The following DENND5B variants were observed in gnomAD, a reference collection of about 807,000 sequenced individuals.
The protein encoded by DENND5B is DENN domain containing 5B.
Under a neutral mutation model 140.6 loss-of-function variants are expected in DENND5B, and 34 were observed. The ratio of observed to expected loss-of-function variants is 0.24; its 90% CI spans 0.18 to 0.32. DENND5B has a LOEUF of 0.32. Among genes scored for constraint, DENND5B ranks in the 10% least tolerant of loss-of-function variants. The probability of loss-of-function intolerance (pLI) is 1.00; values close to 1 mark genes in which losing one functional copy is unlikely to be tolerated. For synonymous variants in DENND5B, 551 were observed against 562.1 expected, an observed-to-expected ratio of 0.98 and a Z score of 0.28; for missense variants, 1,142 against 1,560.2, an observed-to-expected ratio of 0.73 and a Z score of 4.52.
At chr12:31,473,226 T>C (rs528734983) in intron 3 of DENND5B, among the ~76,000 whole-genome samples, 14 of 152,314 alleles carry the variant, frequency 9.2e-5, no homozygotes, top group East Asian at 1.9e-4. Context: ...GCAGGAGCCA[T>C]TGCCTCAACA....
intron 1 of DENND5B, among the ~76,000 whole-genome samples, chr12:31,527,930 AT>A (rs1271987531): frequency 2.8e-5 from 4 of 145,336 alleles, no homozygotes. Context: ...GCAAGACAAT[AT>A]GCCTAGACTC....
intron 1 of DENND5B, among the ~76,000 whole-genome samples, chr12:31,516,381 G>T (rs1321274225): frequency 6.6e-6 from 1 of 150,530 alleles, no homozygotes; most frequent in East Asian, 2.0e-4. Context: ...TTGGGAGGTT[G>T]AACTGGATCA....
chr12:31,496,729 T>C (rs2138755955), intron 1 of DENND5B, among the ~76,000 whole-genome samples: 1 of 152,068 alleles, frequency 6.6e-6, no homozygotes, highest in South Asian at 2.1e-4. Context: ...AATAAATTTT[T>C]TAAAAAGTAA....
At chr12:31,567,752 A>T (rs1949681154) in intron 1 of DENND5B, among the ~76,000 whole-genome samples, 1 of 152,160 alleles carries the variant, frequency 6.6e-6, no homozygotes, top group African/African-American at 2.4e-5. Flanking sequence ...TTAAGGCTGC[A>T]GTGAGCTATG....
rs1431974444 is a variant in DENND5B, at chr12:31,392,682, G to C, written c.3271C>G (p.Gln1091Glu). 3 of 1,555,944 alleles carry C rather than the reference G, an allele frequency of 1.9e-6. No homozygotes were observed. Among genetic ancestry groups the C allele is most frequent in the East Asian group, 2.4e-5 (1 of 41,978 alleles). Residue 1091 changes from glutamine to glutamate, a missense_variant, in exon 18 of 21, where the codon CAG becomes GAG. Around this residue, in one of 5 missense-constraint regions of DENND5B, gnomAD observed 268 missense variants for 349.2 expected, o/e 0.77. Transcript: ENST00000389082. ...GCTTCTCCAATTCCTTCTTGTATCT[G>C]CCCAGCATTGGGTTCTGTAAAATAA... ...TGKNNKPNAGQIQEGIGEAVN... is the reference protein window; with the variant it reads ...TGKNNKPNAGEIQEGIGEAVN...
At chr12:31,535,620 C>T (rs1385374334) in intron 1 of DENND5B, among the ~76,000 whole-genome samples, 2 of 152,118 alleles carry the variant, frequency 1.3e-5, no homozygotes, top group Admixed American at 6.5e-5. Context: ...AAGGCAGACA[C>T]GGCTTAGATC....
chr12:31,448,574 G>A (rs1944374067), intron 5 of DENND5B, among the ~76,000 whole-genome samples: 1 of 152,218 alleles, frequency 6.6e-6, no homozygotes, highest in African/African-American at 2.4e-5. Context: ...GCTTATGGGT[G>A]AAGTTCTTTT....
At chr12:31,404,941 G>A (rs1246806877) in intron 14 of DENND5B, among the ~76,000 whole-genome samples, 1 of 151,646 alleles carries the variant, frequency 6.6e-6, no homozygotes, top group East Asian at 1.9e-4. Flanking sequence ...TGTATTTTTA[G>A]TAGAGATGCG....
intron 3 of DENND5B, among the ~76,000 whole-genome samples, chr12:31,469,431 T>C (rs941870949): frequency 4.6e-5 from 7 of 151,958 alleles, no homozygotes; most frequent in South Asian, 2.1e-4. Flanking sequence ...AAGGAAAGCA[T>C]AGCAGTTCTG....
intron 17 of DENND5B, among the ~76,000 whole-genome samples, chr12:31,396,813 G>T (rs925574808): frequency 2.0e-5 from 3 of 152,002 alleles, no homozygotes; most frequent in Non-Finnish European, 4.4e-5. Flanking sequence ...GTAGAGACGG[G>T]GTTTTGCTAT....
intron 1 of DENND5B, among the ~76,000 whole-genome samples, chr12:31,515,808 T>C (rs1041116955): frequency 3.3e-5 from 5 of 152,176 alleles, no homozygotes; most frequent in Non-Finnish European, 5.9e-5. Flanking sequence ...CCAACAAATA[T>C]ATTGAGCCTT....
chr12:31,396,885 G>A (rs1048958625), intron 17 of DENND5B, among the ~76,000 whole-genome samples: 2 of 152,150 alleles, frequency 1.3e-5, no homozygotes, highest in Non-Finnish European at 2.9e-5. Context: ...GCCTCCCAAA[G>A]TGTTGGGAAA....
rs1189657343 is a variant in DENND5B at position 31,398,154 on chromosome 12, G to A, written c.3256+21C>T. ...AAGCCTACATCATAGGAGCACATAAGAAAAATTTAAATAAATTTACTGTTG... is the reference window on the plus strand; with the variant it reads ...AAGCCTACATCATAGGAGCACATAAAAAAAATTTAAATAAATTTACTGTTG... On this transcript the variant is annotated intron_variant, in intron 17 of 20. Coordinates refer to ENST00000389082, the MANE Select transcript of DENND5B (RefSeq NM_144973.4). The A allele has an allele frequency of 4.5e-6, 7 of 1,556,688 alleles. No individual in the cohort carries two copies. The East Asian group carries it at 9.6e-5, about 21-fold the overall frequency.
At chr12:31,564,080 T>C (rs1046319427) in intron 1 of DENND5B, among the ~76,000 whole-genome samples, 7 of 152,122 alleles carry the variant, frequency 4.6e-5, no homozygotes, top group African/African-American at 1.7e-4. Flanking sequence ...ATCACACCAC[T>C]GCACTCCAGC....
intron 7 of DENND5B, among the ~76,000 whole-genome samples, chr12:31,442,508 T>C (rs1041811032): frequency 6.6e-6 from 1 of 152,106 alleles, no homozygotes; most frequent in African/African-American, 2.4e-5. Context: ...TAAATCGCCA[T>C]TTAAAGTGTG....
intron 1 of DENND5B, among the ~76,000 whole-genome samples, chr12:31,549,505 C>G (rs933437167): frequency 6.6e-6 from 1 of 151,382 alleles, no homozygotes; most frequent in Admixed American, 6.6e-5. Context: ...CCATAAAAGG[C>G]CATTCTTTTT....
intron 1 of DENND5B, among the ~76,000 whole-genome samples, chr12:31,501,138 T>C (rs1946986242): frequency 1.3e-5 from 2 of 152,194 alleles, no homozygotes; most frequent in Admixed American, 6.5e-5. Flanking sequence ...GTAGTTCCCA[T>C]AATCCCCACA....
chr12:31,482,304 C>G (rs1463551487), intron 2 of DENND5B, among the ~76,000 whole-genome samples: 1 of 152,200 alleles, frequency 6.6e-6, no homozygotes, highest in Non-Finnish European at 1.5e-5. Context: ...TGACTCTTAA[C>G]TGAGTAACTA....
rs545259687 is a variant in DENND5B, at chr12:31,467,529, A to G, written c.905-7148T>C. Among the ~76,000 whole-genome samples, 178 of 152,084 alleles carry G rather than the reference A, an allele frequency of 1.2e-3. 2 individuals are homozygous for G. The highest frequency in any genetic ancestry group is 4.2e-3 in the African/African-American group (176 of 41,498). Reference sequence around the variant, plus strand: ...GTGGCGTGTGCCTGTAGTCCCAGCTATCAGGAGGCTGAGGCAGTAGGATTG... The same window carrying G: ...GTGGCGTGTGCCTGTAGTCCCAGCTGTCAGGAGGCTGAGGCAGTAGGATTG... On this transcript the variant is annotated intron_variant, in intron 3 of 20. Coordinates refer to ENST00000389082, the MANE Select transcript of DENND5B (RefSeq NM_144973.4).
Sources: gnomAD v4.1 joint callset for allele counts (sites outside exome capture counted in the v4.1 genomes callset) on GRCh38, gnomAD v4.1.1 for gene constraint, gnomAD v4.1.1 regional missense constraint, MANE v1.5 for transcripts, NCBI Gene and HGNC (gene_info 2026-07-23, HGNC 2026-07-21) for gene names.